Variants in PARD3B observed in about 807,000 individuals in gnomAD.
PARD3B encodes the protein partitioning defective 3 homolog B.
Under a neutral mutation model 130.2 loss-of-function variants are expected in PARD3B, and 103 were observed. The ratio of observed to expected loss-of-function variants is 0.79; its 90% CI spans 0.67 to 0.93. The LOEUF is 0.93. Among genes scored for constraint, PARD3B ranks in the 40% least tolerant of loss-of-function variants. The probability of loss-of-function intolerance (pLI) is 0.00; values close to 1 mark genes in which losing one functional copy is unlikely to be tolerated. For synonymous variants in PARD3B, 583 were observed against 553.2 expected, an observed-to-expected ratio of 1.05 and a Z score of -0.76; for missense variants, 1,609 against 1,499.2, an observed-to-expected ratio of 1.07 and a Z score of -1.21.
chr2:204,690,990 G>A (rs1027804793), intron 2 of PARD3B, among the ~76,000 whole-genome samples: 1 of 152,030 alleles, frequency 6.6e-6, no homozygotes, highest in Non-Finnish European at 1.5e-5. Context: ...TAATTATGCT[G>A]TTATCGTCTA....
rs1197461316 is a variant in PARD3B at position 205,592,343 on chromosome 2, G to C, written c.3261-23113G>C. ...CAACAAGCAAGATGCCAGTCACTGG[G>C]AGAGAAAGGGATGAGGCTGAAACTC... On this transcript the variant is annotated intron_variant, in intron 22 of 22. Transcript: ENST00000406610. The surrounding 1 kb of genome is among the most constrained non-coding windows in gnomAD (Gnocchi z 4.5). Among the ~76,000 whole-genome samples, 1 of 152,186 alleles carries C rather than the reference G, an allele frequency of 6.6e-6. No homozygotes were observed. The highest frequency in any genetic ancestry group is 1.5e-5 in the Non-Finnish European group (1 of 68,038).
intron 2 of PARD3B, among the ~76,000 whole-genome samples, chr2:204,815,710 CTTTGT>C (rs1382565950): frequency 2.0e-5 from 3 of 151,966 alleles, no homozygotes; most frequent in African/African-American, 4.8e-5. Context: ...CTTTGATATG[CTTTGT>C]TTTAATTTTC....
chr2:204,583,878 A>T (rs1190549037), intron 1 of PARD3B, among the ~76,000 whole-genome samples: 1 of 152,232 alleles, frequency 6.6e-6, no homozygotes, highest in Non-Finnish European at 1.5e-5. Context: ...CCTTGTTCAG[A>T]TCTTGGTGCA....
At chr2:205,221,376 G>A (rs11888795) in intron 15 of PARD3B, among the ~76,000 whole-genome samples, 85,510 of 152,036 alleles carry the variant, frequency 0.56, 24,279 homozygotes, top group Admixed American at 0.66. Context: ...CTGGTTTAAC[G>A]GCAGTTAGTA....
intron 18 of PARD3B, among the ~76,000 whole-genome samples, chr2:205,381,162 A>C (rs1487787978): frequency 8.3e-6 from 1 of 120,620 alleles, no homozygotes; most frequent in Non-Finnish European, 1.6e-5. Context: ...TAATATATAT[A>C]AAGAATATAT....
intron 2 of PARD3B, among the ~76,000 whole-genome samples, chr2:204,869,747 G>GA (rs1001554038): frequency 8.6e-5 from 13 of 150,662 alleles, no homozygotes; most frequent in South Asian, 4.2e-4. Flanking sequence ...CTGAAAACAG[G>GA]AAAAAAAAAT....
At chr2:205,595,340 CTG>C (rs1163957427) in intron 22 of PARD3B, among the ~76,000 whole-genome samples, 2 of 152,218 alleles carry the variant, frequency 1.3e-5, no homozygotes, top group African/African-American at 4.8e-5. Context: ...TTCCATCTCT[CTG>C]AAGTTCAAAA....
chr2:205,037,514 A>G (rs940138977), intron 3 of PARD3B, among the ~76,000 whole-genome samples: 2 of 148,196 alleles, frequency 1.3e-5, no homozygotes, highest in African/African-American at 2.5e-5. Context: ...TGGACTATAT[A>G]TATAAAATAT....
chr2:205,420,238 GCT>G (rs1472023070), intron 19 of PARD3B, among the ~76,000 whole-genome samples: 2 of 152,130 alleles, frequency 1.3e-5, no homozygotes, highest in African/African-American at 4.8e-5. Flanking sequence ...TCTGTTCTCT[GCT>G]CTCTCATCTC....
intron 2 of PARD3B, among the ~76,000 whole-genome samples, chr2:204,942,428 T>A (rs1341429831): frequency 6.6e-6 from 1 of 152,162 alleles, no homozygotes; most frequent in East Asian, 1.9e-4. Context: ...CTTACCAGAT[T>A]CTGTGAACTG....
intron 16 of PARD3B, among the ~76,000 whole-genome samples, chr2:205,275,864 G>A (rs538445987): frequency 7.9e-5 from 11 of 139,264 alleles, no homozygotes; most frequent in Non-Finnish European, 1.7e-4. Flanking sequence ...AAAAAAAAAG[G>A]TTCAATTAGA....
intron 2 of PARD3B, among the ~76,000 whole-genome samples, chr2:204,849,907 G>A (rs1276431652): frequency 6.6e-6 from 1 of 152,092 alleles, no homozygotes; most frequent in Non-Finnish European, 1.5e-5. Context: ...TAGAAGCAAT[G>A]GTGGTTTCTG....
intron 2 of PARD3B, among the ~76,000 whole-genome samples, chr2:204,935,344 A>T (rs942138269): frequency 6.8e-6 from 1 of 147,314 alleles, no homozygotes; most frequent in Non-Finnish European, 1.5e-5. Flanking sequence ...CCTGGCTAAC[A>T]CGGTGAAACC....
intron 2 of PARD3B, among the ~76,000 whole-genome samples, chr2:204,749,882 G>C (rs932843500): frequency 3.9e-5 from 6 of 152,072 alleles, no homozygotes. Context: ...TTGTTTTAAT[G>C]TCTAATAAGA....
intron 15 of PARD3B, 56 bp downstream of exon 15, chr2:205,193,376 T>G: frequency 7.7e-7 from 1 of 1,306,318 alleles, no homozygotes; most frequent in Non-Finnish European, 1.1e-6. Context: ...CCCATTTATC[T>G]TCCCAAATGT....
chr2:205,318,897 A>G (rs2042650880), intron 18 of PARD3B, among the ~76,000 whole-genome samples: 1 of 152,164 alleles, frequency 6.6e-6, no homozygotes, highest in African/African-American at 2.4e-5. Context: ...CTAGACTGGC[A>G]TTAGAGCTAG....
chr2:205,098,332 G>T (rs1345026937), intron 4 of PARD3B, among the ~76,000 whole-genome samples: 1 of 152,126 alleles, frequency 6.6e-6, no homozygotes, highest in Non-Finnish European at 1.5e-5. Context: ...TTATGGGCAA[G>T]TGGTTTCCAA....
At chr2:204,837,799 A>G (rs571852395) in intron 2 of PARD3B, among the ~76,000 whole-genome samples, 4 of 152,260 alleles carry the variant, frequency 2.6e-5, no homozygotes, top group South Asian at 4.1e-4. Context: ...GCCCTTGGCC[A>G]TATGTTGTTT....
intron 20 of PARD3B, among the ~76,000 whole-genome samples, chr2:205,451,642 A>G (rs948269706): frequency 3.3e-5 from 5 of 151,594 alleles, no homozygotes; most frequent in Admixed American, 6.6e-5. Context: ...AGCCTGAACA[A>G]CTTGTTTTAC....
Sources: gnomAD v4.1 joint callset for allele counts (sites outside exome capture counted in the v4.1 genomes callset) on GRCh38, gnomAD v4.1.1 for gene constraint, Gnocchi (gnomAD v3.1) non-coding constraint, MANE v1.5 for transcripts, NCBI Gene and HGNC (gene_info 2026-07-23, HGNC 2026-07-21) for gene names.